The following PRKDC variants were observed in gnomAD, a reference collection of about 807,000 sequenced individuals.
PRKDC encodes the protein DNA-dependent protein kinase catalytic subunit.
In PRKDC, 82 loss-of-function variants were observed where a neutral mutation model predicts 486.9. That is an observed-to-expected ratio of 0.17 (90% CI 0.14 to 0.20). The LOEUF (loss-of-function observed/expected upper bound fraction) is 0.20, where lower values mean the gene tolerates loss of function less well. Among genes scored for constraint, PRKDC ranks in the 10% least tolerant of loss-of-function variants. PRKDC has a pLI of 1.00. For synonymous variants in PRKDC, 1,895 were observed against 1,837.0 expected, an observed-to-expected ratio of 1.03 and a Z score of -0.81; for missense variants, 4,504 against 5,038.2, an observed-to-expected ratio of 0.89 and a Z score of 3.21.
chr8:47,869,170 A>G (rs2088888027), intron 40 of PRKDC, among the ~76,000 whole-genome samples: 2 of 152,070 alleles, frequency 1.3e-5, no homozygotes, highest in Non-Finnish European at 2.9e-5. Context: ...TGGGGGGCAC[A>G]TAACCTGAGA....
At chr8:47,919,020 T>C (rs1488568419) in intron 21 of PRKDC, among the ~76,000 whole-genome samples, 8 of 152,126 alleles carry the variant, frequency 5.3e-5, no homozygotes, top group Non-Finnish European at 1.2e-4. Flanking sequence ...ACTTCTTTCC[T>C]GAAGCACTGA....
intron 38 of PRKDC, among the ~76,000 whole-genome samples, 176 bp from the exon 39 acceptor site, chr8:47,879,834 CTTT>C (rs759336069): frequency 2.0e-5 from 2 of 99,198 alleles, no homozygotes; most frequent in Non-Finnish European, 3.7e-5. Context: ...TATACCTCAG[CTTT>C]TTTTTTTTTT....
At position 47,858,860 on chromosome 8, in the gene PRKDC, G is replaced by C. The variant is rs2088607234; in HGVS notation, c.6334C>G (p.Gln2112Glu). 1 of 1,613,500 alleles carries C rather than the reference G, an allele frequency of 6.2e-7. No individual in the cohort carries two copies. Among genetic ancestry groups the C allele is most frequent in the Non-Finnish European group, 8.5e-7 (1 of 1,179,576 alleles). ...KHMHRSLGPP[Q>E]GEEDSVPRDL... ...AGTGGGAAAAGCACCTCTTCTCCTTGAGGCGGGCCCAGGCTTCTGTGCATG... is the reference window on the plus strand; with the variant it reads ...AGTGGGAAAAGCACCTCTTCTCCTTCAGGCGGGCCCAGGCTTCTGTGCATG... Residue 2112 changes from glutamine to glutamate, a missense_variant, in exon 47 of 86, where the codon CAA (glutamine) becomes GAA (glutamate). Physicochemically the swap from Gln to Glu is conservative, Grantham distance 29. Coordinates refer to ENST00000314191, the MANE Select transcript of PRKDC (RefSeq NM_006904.7).
chr8:47,909,683 C>T (rs1302154470), intron 25 of PRKDC, among the ~76,000 whole-genome samples: 1 of 152,144 alleles, frequency 6.6e-6, no homozygotes, highest in Non-Finnish European at 1.5e-5. Flanking sequence ...CTTTTCCCAG[C>T]AAGGAATGAC....
intron 61 of PRKDC, among the ~76,000 whole-genome samples, chr8:47,828,687 C>A (rs567198262): frequency 6.6e-6 from 1 of 152,142 alleles, no homozygotes; most frequent in African/African-American, 2.4e-5. Context: ...CATTGGGCTG[C>A]GGGGAAGATT....
At chr8:47,934,831 T>C (rs2154503741) in intron 14 of PRKDC, among the ~76,000 whole-genome samples, 178 bp downstream of exon 14, 1 of 152,356 alleles carries the variant, frequency 6.6e-6, no homozygotes, top group South Asian at 2.1e-4. Context: ...ACCTTAGAAG[T>C]GTATTCACCT....
chr8:47,875,258 C>T (rs989159446), intron 40 of PRKDC, among the ~76,000 whole-genome samples: 2 of 152,174 alleles, frequency 1.3e-5, no homozygotes, highest in African/African-American at 4.8e-5. Flanking sequence ...GTAATATTCG[C>T]TTATAATCTT....
At chr8:47,801,743 G>T (rs1259867676) in intron 70 of PRKDC, among the ~76,000 whole-genome samples, 1 of 152,162 alleles carries the variant, frequency 6.6e-6, no homozygotes, top group East Asian at 1.9e-4. Context: ...TTGACTGTGT[G>T]GTTCTGGGCA....
At chr8:47,801,588 A>G (rs1473323839) in intron 70 of PRKDC, among the ~76,000 whole-genome samples, 5 of 152,202 alleles carry the variant, frequency 3.3e-5, no homozygotes, top group Non-Finnish European at 7.3e-5. Flanking sequence ...TTTTCAAAGC[A>G]CCTAATTCTG....
At chr8:47,792,944 C>T (rs1025856399) in intron 74 of PRKDC, among the ~76,000 whole-genome samples, 3 of 152,204 alleles carry the variant, frequency 2.0e-5, no homozygotes, top group African/African-American at 7.2e-5. Flanking sequence ...CTCACAAGTT[C>T]AGTCATAGCT....
Position 47,858,682 on chromosome 8 carries a change from T to C in PRKDC, c.6346-47A>G, listed in dbSNP as rs8178149. Reference sequence around the variant, plus strand: ...TACCTTAAAACGTGGAATAAAATAATGATACATTTTGATATTATGGGAAAA... The same window carrying C: ...TACCTTAAAACGTGGAATAAAATAACGATACATTTTGATATTATGGGAAAA... On this transcript the variant is annotated intron_variant, in intron 47 of 85. Coordinates refer to ENST00000314191, the MANE Select transcript of PRKDC (RefSeq NM_006904.7). 3.7e-3 allele frequency: 5,302 copies of C among 1,442,966 alleles called. 167 individuals are homozygous for C. The African/African-American group carries it at 0.069, about 19-fold the overall frequency. The allele number at this position is 1,442,966 out of a possible 1,614,324, so 89.4% of individuals were successfully genotyped here.
In PRKDC at chr8:47,840,019, T is replaced by G; in HGVS notation, c.7451A>C (p.Tyr2484Ser). Residue 2484 changes from tyrosine to serine, a missense_variant, in exon 55 of 86, where the codon TAC (tyrosine) becomes TCC (serine). Tyr to Ser is a moderately radical substitution (Grantham distance 144). Coordinates refer to ENST00000314191, the MANE Select transcript of PRKDC (RefSeq NM_006904.7). ...YNILMWIHDN[Y>S]RDPESETDND... Reference sequence around the variant, plus strand: ...AAATAGTCAATGTATAGCTTACCTGTAATTATCATGAATCCACATGAGAAT... The same window carrying G: ...AAATAGTCAATGTATAGCTTACCTGGAATTATCATGAATCCACATGAGAAT... 1 of 1,535,276 alleles carries G rather than the reference T, an allele frequency of 6.5e-7. No individual in the cohort carries two copies. The highest frequency in any genetic ancestry group is 8.8e-7 in the Non-Finnish European group (1 of 1,136,226).
At chr8:47,796,258 A>G (rs2086983612) in intron 73 of PRKDC, among the ~76,000 whole-genome samples, 1 of 152,056 alleles carries the variant, frequency 6.6e-6, no homozygotes, top group Non-Finnish European at 1.5e-5. Flanking sequence ...AACACTGCAC[A>G]TAATCATCTT....
rs774603509 is a variant in PRKDC at position 47,785,280 on chromosome 8, C to T, written c.10940G>A (p.Gly3647Glu). The T allele has an allele frequency of 3.1e-6, 5 of 1,607,464 alleles. No homozygotes were observed. The highest frequency in any genetic ancestry group is 4.3e-6 in the Non-Finnish European group (5 of 1,176,290). The change falls in exon 77 of 86, where the codon GGA (glycine) becomes GAA (glutamate). Residue 3647 changes from glycine to glutamate, a missense_variant. Physicochemically the swap from Gly to Glu is moderately conservative, Grantham distance 98. Coordinates refer to ENST00000314191, the MANE Select transcript of PRKDC (RefSeq NM_006904.7). ...CTTCATTCTCAGTAGTTTAGAACCT[C>T]CTTTCCCAAAATGTTTATCAAATTC... is the stretch of plus-strand genomic sequence containing the variant. ...GKEFDKHFGK[G>E]GSKLLRMKLS...
Position 47,807,309 on chromosome 8 carries a change from T to C in PRKDC, c.9575A>G (p.Lys3192Arg), listed in dbSNP as rs2087234491. 5.1e-6 allele frequency: 8 copies of C among 1,570,200 alleles called. No individual in the cohort carries two copies. The South Asian group carries it at 9.5e-5, about 19-fold the overall frequency. Reference protein sequence around the residue: ...IITNRCFFLSKIEEKLTPLPE... With the variant: ...IITNRCFFLSRIEEKLTPLPE... ...AAGAGGGGTAAGCTTCTCCTCTATT[T>C]TGCTGAGAAAGAAACATCTACACAA... The change falls in exon 69 of 86, where the codon AAA becomes AGA. Residue 3192 changes from lysine to arginine, a missense_variant. Around this residue, in one of 6 missense-constraint regions of PRKDC, gnomAD observed 1,592 missense variants for 1,724.6 expected, o/e 0.92. Coordinates refer to ENST00000314191, the MANE Select transcript of PRKDC (RefSeq NM_006904.7).
At chr8:47,857,798 C>T (rs1405406132) in intron 48 of PRKDC, among the ~76,000 whole-genome samples, 4 of 152,134 alleles carry the variant, frequency 2.6e-5, no homozygotes, top group Non-Finnish European at 5.9e-5. Flanking sequence ...CTGACAGACT[C>T]GCCATGTCTG....
chr8:47,906,040 C>G (rs2089774195), intron 25 of PRKDC, among the ~76,000 whole-genome samples: 1 of 152,152 alleles, frequency 6.6e-6, no homozygotes. Flanking sequence ...AGATCTAACC[C>G]TCATTATACA....
At chr8:47,822,121 ACT>A (rs758325633) in intron 64 of PRKDC, among the ~76,000 whole-genome samples, 1 of 151,906 alleles carries the variant, frequency 6.6e-6, no homozygotes, top group Non-Finnish European at 1.5e-5. Flanking sequence ...AAACGCAAAA[ACT>A]CTCTACAAAA....
chr8:47,863,826 T>C (rs1055889995), intron 41 of PRKDC, among the ~76,000 whole-genome samples: 1 of 152,074 alleles, frequency 6.6e-6, no homozygotes, highest in Non-Finnish European at 1.5e-5. Flanking sequence ...GGGTAGAAAA[T>C]GTTTGCACAA....
Sources: allele counts gnomAD v4.1 joint callset (sites outside exome capture counted in the v4.1 genomes callset), GRCh38; gene constraint gnomAD v4.1.1; regional missense constraint gnomAD v4.1.1; transcripts MANE v1.5; gene names NCBI Gene and HGNC (gene_info 2026-07-23, HGNC 2026-07-21).